CYP4F2: variants seen among roughly 807,000 people sequenced by gnomAD.
CYP4F2 encodes the protein cytochrome P450 family 4 subfamily F member 2.
In CYP4F2, 58 loss-of-function variants were observed where a neutral mutation model predicts 58.9. That is an observed-to-expected ratio of 0.98 (90% CI 0.80 to 1.23). CYP4F2 has a LOEUF of 1.23. Among genes scored for constraint, CYP4F2 ranks in the 50% most tolerant of loss-of-function variants. The pLI, the probability that CYP4F2 is intolerant of heterozygous loss-of-function variation, is 0.00. For missense variants in CYP4F2, 616 were observed against 685.6 expected, an observed-to-expected ratio of 0.90 and a Z score of 1.13; for synonymous variants, 287 against 261.1, an observed-to-expected ratio of 1.10 and a Z score of -0.95.
intron 5 of CYP4F2, among the ~76,000 whole-genome samples, chr19:15,891,337 A>G (rs1186083691): frequency 6.6e-6 from 1 of 152,188 alleles, no homozygotes; most frequent in Non-Finnish European, 1.5e-5. Flanking sequence ...AAGGCAATCT[A>G]ACAAGAAACA....
In CYP4F2 at chr19:15,890,389, AT is replaced by A. The variant is rs1246821092; in HGVS notation, c.569del (p.Asp190ValfsTer9). On this transcript the variant is annotated frameshift_variant, in exon 6 of 13. Transcript: ENST00000221700. LOFTEE classifies it high-confidence loss of function. ...TCATGAGGCTGATGTGCTCAAACAT[AT>A]CCAAACAGGCACTACCCTCTGAGGC... ...LLASEGSACL[D>X]MFEHISLMTL... 6.2e-6 allele frequency: 10 copies of A among 1,614,014 alleles called. No homozygotes were observed. The East Asian group carries it at 2.0e-4, about 32-fold the overall frequency.
Position 15,878,906 on chromosome 19 carries a change from C to A in CYP4F2, c.1428G>T (p.Ala476=). The change falls in exon 13 of 13, where the codon GCG becomes GCT. Residue 476 remains alanine, a synonymous_variant. Coordinates refer to ENST00000221700, the MANE Select transcript of CYP4F2 (RefSeq NM_001082.5). ...TGAGCGCCAGGACCACCTTCATCTC[C>A]GCCATCGCGAACGTCTGCCCGATGC... ...RNCIGQTFAM[A]EMKVVLALTL... is the part of the protein sequence containing the mutation. The A allele has an allele frequency of 6.2e-7, 1 of 1,613,988 alleles. No homozygotes were observed. The highest frequency in any genetic ancestry group is 8.5e-7 in the Non-Finnish European group (1 of 1,179,952).
Position 15,879,424 on chromosome 19 carries a change from T to G in CYP4F2, c.1319A>C (p.Tyr440Ser). The change falls in exon 12 of 13, where the codon TAC (tyrosine) becomes TCC (serine). Residue 440 changes from tyrosine to serine, a missense_variant. Coordinates refer to ENST00000221700, the MANE Select transcript of CYP4F2 (RefSeq NM_001082.5). ...CTCTGGGTCAAAGCGAAAGGGGTCG[T>G]AGACCTGGAGGTGAGACCAAGAAGG... ...NPAVWPDPEVYDPFRFDPENI... is the reference protein window; with the variant it reads ...NPAVWPDPEVSDPFRFDPENI... 2 of 1,614,092 alleles carry G rather than the reference T, an allele frequency of 1.2e-6. No homozygotes were observed. Among genetic ancestry groups the G allele is most frequent in the Non-Finnish European group, 1.7e-6 (2 of 1,180,026 alleles).
intron 9 of CYP4F2, among the ~76,000 whole-genome samples, chr19:15,883,408 A>G (rs1334156693): frequency 6.6e-6 from 1 of 152,204 alleles, no homozygotes; most frequent in Admixed American, 6.5e-5. Flanking sequence ...GAGAAATGCA[A>G]ATCAAAACCA....
intron 7 of CYP4F2, 39 bp downstream of exon 7, chr19:15,889,384 C>T: frequency 6.2e-7 from 1 of 1,612,774 alleles, no homozygotes; most frequent in Non-Finnish European, 8.5e-7. Context: ...ACATGAAGCT[C>T]CCTTCTACTT....
At chr19:15,892,214 A>C (rs2089420098) in intron 5 of CYP4F2, 95 bp downstream of exon 5, 1 of 1,568,988 alleles carries the variant, frequency 6.4e-7, no homozygotes, top group Non-Finnish European at 8.7e-7. Context: ...GCAATGGCCC[A>C]ATGGCACCCA....
At chr19:15,886,461 T>C in intron 7 of CYP4F2, 153 bp from the exon 8 acceptor site, 1 of 970,744 alleles carries the variant, frequency 1.0e-6, no homozygotes, top group Non-Finnish European at 1.5e-6. Context: ...CCCCTCTTGG[T>C]CACCATGGCC....
At chr19:15,885,164 C>A (rs3093170) in intron 9 of CYP4F2, among the ~76,000 whole-genome samples, 68,239 of 150,416 alleles carry the variant, frequency 0.45, 15,632 homozygotes, top group South Asian at 0.53. Flanking sequence ...CCCAAAGACC[C>A]CAGGCAGTCT....
At chr19:15,892,243 A>G (rs1395462764) in intron 5 of CYP4F2, 66 bp downstream of exon 5, 7 of 1,606,402 alleles carry the variant, frequency 4.4e-6, no homozygotes, top group African/African-American at 2.7e-5. Flanking sequence ...AAAACTCCAG[A>G]CTAGATCTCT....
intron 2 of CYP4F2, 48 bp from the exon 3 acceptor site, chr19:15,895,698 G>A (rs1385139610): frequency 3.2e-6 from 5 of 1,572,086 alleles, no homozygotes; most frequent in Non-Finnish European, 4.3e-6. Flanking sequence ...TTAATTCTAG[G>A]TGTCTACTTG....
intron 7 of CYP4F2, among the ~76,000 whole-genome samples, chr19:15,886,881 A>C (rs1046129432): frequency 3.3e-5 from 5 of 152,178 alleles, no homozygotes; most frequent in Non-Finnish European, 7.4e-5. Flanking sequence ...AAATGTGCCA[A>C]GACTCATAAT....
At chr19:15,890,472 G>C in intron 5 of CYP4F2, 39 bp from the exon 6 acceptor site, 1 of 1,610,518 alleles carries the variant, frequency 6.2e-7, no homozygotes, top group South Asian at 1.1e-5. Flanking sequence ...CAGGCTCCTT[G>C]CTCCCTTGAG....
rs772862283 is a variant in CYP4F2, at chr19:15,879,893, C to T, written c.1120G>A (p.Asp374Asn). ...GTCAGGAAGGGCAAATGGGCCAGGTCGTCCCTAAGGAAACACCCCAGCCCC... is the reference window on the plus strand; with the variant it reads ...GTCAGGAAGGGCAAATGGGCCAGGTTGTCCCTAAGGAAACACCCCAGCCCC... ...DREPKEIEWDDLAHLPFLTMC... is the reference protein window; with the variant it reads ...DREPKEIEWDNLAHLPFLTMC... Residue 374 changes from aspartate to asparagine, a missense_variant, in exon 10 of 13, where the codon GAC becomes AAC. By Grantham distance (23) the Asp-to-Asn change is conservative. Coordinates refer to ENST00000221700, the MANE Select transcript of CYP4F2 (RefSeq NM_001082.5). The T allele has an allele frequency of 2.1e-5, 34 of 1,614,020 alleles. No homozygotes were observed. Among genetic ancestry groups the T allele is most frequent in the Non-Finnish European group, 2.7e-5 (32 of 1,180,032 alleles).
intron 7 of CYP4F2, among the ~76,000 whole-genome samples, chr19:15,887,845 C>T (rs1030867382): frequency 1.3e-5 from 2 of 151,126 alleles, no homozygotes; most frequent in Admixed American, 1.3e-4. Context: ...TAAACATAGA[C>T]ATAGACACAG....
intron 7 of CYP4F2, 123 bp from the exon 8 acceptor site, chr19:15,886,431 G>A (rs2089380824): frequency 7.6e-7 from 1 of 1,320,882 alleles, no homozygotes; most frequent in Non-Finnish European, 1.1e-6. Flanking sequence ...AGAAATCCAA[G>A]TCCATCTTGC....
At chr19:15,891,993 T>C (rs1174744268) in intron 5 of CYP4F2, among the ~76,000 whole-genome samples, 1 of 152,166 alleles carries the variant, frequency 6.6e-6, no homozygotes, top group Non-Finnish European at 1.5e-5. Flanking sequence ...AGTTTTCAGG[T>C]GGTTTCTTAT....
At position 15,889,456 on chromosome 19, in the gene CYP4F2, A is replaced by G. The variant is rs372678316; in HGVS notation, c.885T>C (p.Thr295=). ...DFLQAKAKSK[T]LDFIDVLLLS... is the part of the protein sequence containing the mutation. Reference sequence around the variant, plus strand: ...GCAGGAGTACATCAATGAAGTCCAAAGTCTTGGATTTGGCCTTGGCTTGGA... The same window carrying G: ...GCAGGAGTACATCAATGAAGTCCAAGGTCTTGGATTTGGCCTTGGCTTGGA... The change falls in exon 7 of 13, where the codon ACT becomes ACC. Residue 295 remains threonine (T), a synonymous_variant. Coordinates refer to ENST00000221700, the MANE Select transcript of CYP4F2 (RefSeq NM_001082.5). 3 of 1,614,012 alleles carry G rather than the reference A, an allele frequency of 1.9e-6. No homozygotes were observed. The highest frequency in any genetic ancestry group is 2.5e-6 in the Non-Finnish European group (3 of 1,180,028).
At chr19:15,893,285 G>A (rs1345799374) in intron 3 of CYP4F2, among the ~76,000 whole-genome samples, 6 of 152,064 alleles carry the variant, frequency 3.9e-5, no homozygotes, top group African/African-American at 9.7e-5. Flanking sequence ...CTGGGTCCCA[G>A]ACCTCACACA....
At chr19:15,886,448 A>G in intron 7 of CYP4F2, 140 bp from the exon 8 acceptor site, 1 of 1,115,988 alleles carries the variant, frequency 9.0e-7, no homozygotes, top group Non-Finnish European at 1.3e-6. Flanking sequence ...TTGCACTCCT[A>G]GACCCCTCTT....
Sources: gnomAD v4.1 joint callset for allele counts (sites outside exome capture counted in the v4.1 genomes callset) on GRCh38, gnomAD v4.1.1 for gene constraint, MANE v1.5 for transcripts, NCBI Gene and HGNC (gene_info 2026-07-23, HGNC 2026-07-21) for gene names.